Variants in NUP37 observed in about 807,000 individuals in gnomAD.
NUP37 encodes nucleoporin 37, also known as nucleoporin Nup37.
In NUP37, 33 loss-of-function variants were observed where a neutral mutation model predicts 45.4. That is an observed-to-expected ratio of 0.73 (90% CI 0.55 to 0.97). The LOEUF (loss-of-function observed/expected upper bound fraction) is 0.97. NUP37 is among the 50% of genes least tolerant of loss of function. The pLI, the probability that NUP37 is intolerant of heterozygous loss-of-function variation, is 0.00. For missense variants in NUP37, 365 were observed against 389.7 expected (o/e 0.94, Z 0.53); for synonymous variants, 127 against 130.7 (o/e 0.97, Z 0.19).
At chr12:102,074,917 A>T in intron 9 of NUP37, 84 bp downstream of exon 9, 1 of 724,492 alleles carries the variant, frequency 1.4e-6, no homozygotes, top group South Asian at 2.7e-5. Context: ...AACAAATTAC[A>T]AATTTGGGGC....
In NUP37 at chr12:102,112,190, G is replaced by C. The variant is rs144542242; in HGVS notation, c.199C>G (p.Arg67Gly). Reference protein sequence around the residue: ...DVEGIQYKTLRTFHHGVRVDG... With the variant: ...DVEGIQYKTLGTFHHGVRVDG... The stretch of plus-strand genomic sequence containing the variant: ...ACCCTGACTCCATGGTGAAATGTTC[G>C]AAGTGTTTTATACTGAATGCCTTCA... Residue 67 changes from arginine (R) to glycine (G), a missense_variant, in exon 3 of 10, where the codon CGA becomes GGA. Transcript: ENST00000552283. The C allele has an allele frequency of 8.3e-5, 134 of 1,613,418 alleles. No individual in the cohort carries two copies. The highest frequency in any genetic ancestry group is 1.1e-4 in the Non-Finnish European group (127 of 1,179,568).
intron 2 of NUP37, among the ~76,000 whole-genome samples, chr12:102,116,928 G>T (rs1041320819): frequency 6.6e-6 from 1 of 152,156 alleles, no homozygotes; most frequent in Non-Finnish European, 1.5e-5. Context: ...CTTGACCTCG[G>T]GAGGCAGAGG....
chr12:102,099,193 T>G lies in NUP37; in HGVS notation c.362A>C (p.Glu121Ala), dbSNP rs749765365. The G allele has an allele frequency of 3.7e-6, 6 of 1,608,364 alleles. 1 individual carries two copies. The South Asian group carries it at 6.6e-5, about 18-fold the overall frequency. The change falls in exon 5 of 10, where the codon GAG (glutamate) becomes GCG (alanine). Residue 121 changes from glutamate (E) to alanine (A), a missense_variant. Transcript: ENST00000552283. ...ACCATTAATGAAATCGGTATGGCCC[T>G]CTAAAACCTGACAGAAAGAGAAACA... ...LQDKNEYKVL[E>A]GHTDFINGLV...
At chr12:102,111,517 C>A (rs1880317784) in intron 3 of NUP37, among the ~76,000 whole-genome samples, 3 of 152,276 alleles carry the variant, frequency 2.0e-5, no homozygotes, top group Middle Eastern at 6.8e-3. Flanking sequence ...TAAAAGAAGA[C>A]ACATCTTTTA....
intron 6 of NUP37, chr12:102,079,308 TA>T (rs570870975): frequency 3.6e-5 from 16 of 449,360 alleles, no homozygotes; most frequent in African/African-American, 8.0e-5. Flanking sequence ...TGTACTTTCC[TA>T]AACACATAAA....
intron 5 of NUP37, among the ~76,000 whole-genome samples, chr12:102,094,123 G>A (rs559999209): frequency 6.6e-6 from 1 of 151,978 alleles, no homozygotes; most frequent in Non-Finnish European, 1.5e-5. Flanking sequence ...TTCTTTTAAC[G>A]ACAAAGAATC....
chr12:102,118,159 T>C (rs1017190292), intron 2 of NUP37, among the ~76,000 whole-genome samples: 1 of 152,220 alleles, frequency 6.6e-6, no homozygotes, highest in Admixed American at 6.5e-5. Flanking sequence ...AAGTGAAGCC[T>C]CATACCATTC....
chr12:102,117,127 C>T (rs1207364452), intron 2 of NUP37, among the ~76,000 whole-genome samples: 10 of 152,188 alleles, frequency 6.6e-5, no homozygotes, highest in African/African-American at 2.2e-4. Flanking sequence ...AATTACCGTG[C>T]TCATTATAAT....
chr12:102,115,041 A>T (rs928733631), intron 2 of NUP37, among the ~76,000 whole-genome samples: 6 of 152,254 alleles, frequency 3.9e-5, no homozygotes, highest in African/African-American at 1.4e-4. Context: ...TGAAAGCATT[A>T]TAAGCAACAA....
intron 2 of NUP37, among the ~76,000 whole-genome samples, chr12:102,114,481 T>G (rs1022628643): frequency 6.6e-6 from 1 of 152,168 alleles, no homozygotes; most frequent in Non-Finnish European, 1.5e-5. Flanking sequence ...AAATGCTATT[T>G]TGGATTTAGT....
chr12:102,083,285 G>C (rs552503721), intron 6 of NUP37, among the ~76,000 whole-genome samples: 12 of 152,232 alleles, frequency 7.9e-5, no homozygotes, highest in African/African-American at 2.9e-4. Flanking sequence ...CTGCTCTCAG[G>C]GAGAAATGTA....
intron 6 of NUP37, among the ~76,000 whole-genome samples, chr12:102,080,411 A>G (rs1879298834): frequency 6.6e-6 from 1 of 152,170 alleles, no homozygotes; most frequent in Non-Finnish European, 1.5e-5. Context: ...ACAGAGTGAG[A>G]CCCTGCCTCA....
intron 8 of NUP37, 69 bp from the exon 9 acceptor site, chr12:102,075,163 G>T: frequency 2.0e-6 from 2 of 997,710 alleles, no homozygotes; most frequent in Non-Finnish European, 2.9e-6. Context: ...TCTGAAGCGG[G>T]CTTTTTCTTT....
chr12:102,075,126 C>T (rs1402241830), intron 8 of NUP37, 32 bp from the exon 9 acceptor site: 7 of 1,369,488 alleles, frequency 5.1e-6, no homozygotes, highest in South Asian at 1.2e-5. Context: ...AATTAAGTAT[C>T]GTATCCTATG....
At chr12:102,093,847 A>C (rs1879728278) in intron 5 of NUP37, among the ~76,000 whole-genome samples, 1 of 152,098 alleles carries the variant, frequency 6.6e-6, no homozygotes, top group African/African-American at 2.4e-5. Flanking sequence ...AGCAAGCTTA[A>C]ATTACTGTAG....
At chr12:102,075,457 T>C (rs752833011) in intron 8 of NUP37, among the ~76,000 whole-genome samples, 2 of 152,142 alleles carry the variant, frequency 1.3e-5, no homozygotes, top group Non-Finnish European at 2.9e-5. Context: ...GCTGGGATTA[T>C]AGGTATGAGC....
chr12:102,074,660 A>T, intron 9 of NUP37, 193 bp from the exon 10 acceptor site: 2 of 540,698 alleles, frequency 3.7e-6, no homozygotes, highest in South Asian at 5.2e-5. Flanking sequence ...TCCATCTATG[A>T]ATAACTGGTA....
chr12:102,083,383 G>C (rs770423007), intron 6 of NUP37, among the ~76,000 whole-genome samples: 15 of 152,170 alleles, frequency 9.9e-5, no homozygotes, highest in Non-Finnish European at 1.6e-4. Flanking sequence ...CATATGCAGA[G>C]TATAATTCTA....
chr12:102,077,062 T>C, intron 7 of NUP37: 1 of 607,942 alleles, frequency 1.6e-6, no homozygotes, highest in Non-Finnish European at 2.9e-6. Context: ...GGTCAGTGTT[T>C]TTCTTATTTT....
Sources: allele counts gnomAD v4.1 joint callset (sites outside exome capture counted in the v4.1 genomes callset), GRCh38; gene constraint gnomAD v4.1.1; transcripts MANE v1.5; gene names NCBI Gene and HGNC (gene_info 2026-07-23, HGNC 2026-07-21).